RALGPS1: variants seen among roughly 807,000 people sequenced by gnomAD.
RALGPS1 encodes the protein ras-specific guanine nucleotide-releasing factor RalGPS1.
In RALGPS1, 19 loss-of-function variants were observed where a neutral mutation model predicts 78.8. That is an observed-to-expected ratio of 0.24 (90% CI 0.17 to 0.35). The LOEUF (loss-of-function observed/expected upper bound fraction) is 0.35, where lower values mean the gene tolerates loss of function less well. Ranked by LOEUF, RALGPS1 falls within the 10% of genes least tolerant of loss-of-function variation. The pLI, the probability that RALGPS1 is intolerant of heterozygous loss-of-function variation, is 1.00. For missense variants in RALGPS1, 454 were observed against 688.3 expected, an observed-to-expected ratio of 0.66 and a Z score of 3.81; for synonymous variants, 228 against 256.3, an observed-to-expected ratio of 0.89 and a Z score of 1.06.
At chr9:127,126,874 G>A (rs745575089) in intron 8 of RALGPS1, among the ~76,000 whole-genome samples, 9 of 152,078 alleles carry the variant, frequency 5.9e-5, no homozygotes, top group Non-Finnish European at 1.2e-4. Flanking sequence ...TTGATTATGG[G>A]TCATATTGTC....
intron 14 of RALGPS1, among the ~76,000 whole-genome samples, chr9:127,206,164 G>T (rs566830770): frequency 2.4e-4 from 36 of 152,334 alleles, no homozygotes; most frequent in Admixed American, 5.2e-4. Context: ...GCAGGCGCAG[G>T]TGGACACTGC....
chr9:127,005,844 A>AC (rs1414052505), intron 4 of RALGPS1, among the ~76,000 whole-genome samples: 1 of 152,186 alleles, frequency 6.6e-6, no homozygotes, highest in African/African-American at 2.4e-5. Context: ...ATTTTTAGCC[A>AC]CTCTGCCTTC....
chr9:127,129,283 T>C (rs2056841354), intron 8 of RALGPS1, among the ~76,000 whole-genome samples: 1 of 152,176 alleles, frequency 6.6e-6, no homozygotes, highest in Admixed American at 6.5e-5. Context: ...TGTTTCTTCA[T>C]AGCGAAAAAT....
At chr9:126,978,842 G>A (rs1287652126) in intron 4 of RALGPS1, among the ~76,000 whole-genome samples, 3 of 152,120 alleles carry the variant, frequency 2.0e-5, no homozygotes, top group African/African-American at 7.2e-5. Context: ...CACCGTCCCA[G>A]ACTGGGACCA....
intron 5 of RALGPS1, among the ~76,000 whole-genome samples, chr9:127,045,754 CACACACAT>C (rs1211408181): frequency 6.5e-3 from 298 of 45,668 alleles, no homozygotes; most frequent in South Asian, 7.3e-3. Flanking sequence ...CACACACACA[CACACACAT>C]ACACACACAC....
At chr9:126,990,667 C>T (rs1330699651) in intron 4 of RALGPS1, among the ~76,000 whole-genome samples, 1 of 152,160 alleles carries the variant, frequency 6.6e-6, no homozygotes, top group Admixed American at 6.5e-5. Context: ...AGGTAGTGCT[C>T]CTCCTTCTCA....
intron 8 of RALGPS1, among the ~76,000 whole-genome samples, chr9:127,140,741 C>G (rs549568899): frequency 4.1e-4 from 63 of 152,226 alleles, no homozygotes; most frequent in African/African-American, 1.4e-3. Context: ...TTTTAACCTC[C>G]CCCCAAAAAA....
At chr9:126,952,520 C>G (rs2131796583) in intron 1 of RALGPS1, among the ~76,000 whole-genome samples, 1 of 152,212 alleles carries the variant, frequency 6.6e-6, no homozygotes, top group African/African-American at 2.4e-5. Flanking sequence ...CATCCTTACA[C>G]AAGGGGGCCT....
chr9:127,105,323 C>T (rs373384525), intron 8 of RALGPS1, among the ~76,000 whole-genome samples: 5 of 152,216 alleles, frequency 3.3e-5, no homozygotes, highest in African/African-American at 9.6e-5. Flanking sequence ...AAAAGACGGG[C>T]GAGTGCAGGA....
intron 17 of RALGPS1, 86 bp downstream of exon 17, chr9:127,213,135 G>T: frequency 6.4e-7 from 1 of 1,555,980 alleles, no homozygotes; most frequent in Middle Eastern, 1.7e-4. Flanking sequence ...ATTATTAGGA[G>T]CTTTTGAGGC....
chr9:127,218,712 T>C lies in RALGPS1; in HGVS notation c.1645-28T>C, dbSNP rs1393195144. 7 of 1,612,262 alleles carry C rather than the reference T, an allele frequency of 4.3e-6. No homozygotes were observed. The South Asian group carries it at 7.7e-5, about 18-fold the overall frequency. On this transcript the variant is annotated intron_variant, in intron 18 of 18. Coordinates refer to ENST00000259351, the MANE Select transcript of RALGPS1 (RefSeq NM_014636.3). The surrounding 1 kb of genome is among the most constrained non-coding windows in gnomAD (Gnocchi z 4.4). ...TTGTCCTTCTCTGAGGTCGGAACTTTAACAAGAGGCTGAGCTTTCTCTTCT... is the reference window on the plus strand; with the variant it reads ...TTGTCCTTCTCTGAGGTCGGAACTTCAACAAGAGGCTGAGCTTTCTCTTCT...
intron 5 of RALGPS1, 142 bp downstream of exon 5, chr9:127,034,656 T>A: frequency 1.4e-6 from 1 of 707,662 alleles, no homozygotes; most frequent in Non-Finnish European, 2.6e-6. Context: ...CCCACCTTTA[T>A]CCAGTTTTGT....
intron 1 of RALGPS1, among the ~76,000 whole-genome samples, chr9:126,933,047 G>T (rs1035230553): frequency 1.4e-4 from 21 of 152,166 alleles, no homozygotes; most frequent in African/African-American, 4.8e-4. Flanking sequence ...AAGCTGGCGA[G>T]GGGGCAGGGG....
chr9:126,979,233 GTAT>G (rs1023981443), intron 4 of RALGPS1, among the ~76,000 whole-genome samples: 1 of 128,646 alleles, frequency 7.8e-6, no homozygotes. Context: ...TTGTATTATT[GTAT>G]TATTATGTGT....
intron 8 of RALGPS1, among the ~76,000 whole-genome samples, chr9:127,095,151 C>T (rs968188310): frequency 2.6e-5 from 4 of 152,258 alleles, no homozygotes; most frequent in Admixed American, 6.5e-5. Context: ...GTAATCCCAG[C>T]ACTTTGGGAG....
chr9:126,976,313 T>TCTCACACACA (rs112367251), intron 3 of RALGPS1, among the ~76,000 whole-genome samples: 45 of 150,462 alleles, frequency 3.0e-4, no homozygotes, highest in Non-Finnish European at 4.9e-4. Flanking sequence ...ACACTCATTC[T>TCTCACACACA]CACACACACA....
intron 8 of RALGPS1, among the ~76,000 whole-genome samples, chr9:127,135,524 C>T (rs2057331676): frequency 6.6e-6 from 1 of 152,212 alleles, no homozygotes; most frequent in African/African-American, 2.4e-5. Context: ...ATGGAGGAGC[C>T]AGGGCAAAGC....
Position 127,091,769 on chromosome 9 carries a change from G to A in RALGPS1, c.610+22413G>A, listed in dbSNP as rs1236936268. 11 of 1,614,074 alleles carry A rather than the reference G, an allele frequency of 6.8e-6. No homozygotes were observed. The highest frequency in any genetic ancestry group is 9.3e-6 in the Non-Finnish European group (11 of 1,180,046). On this transcript the variant is annotated intron_variant, in intron 8 of 18. Transcript: ENST00000259351. This position sits in a 1 kb window ranked among gnomAD's most constrained non-coding sequence, Gnocchi z 4.3. ...TTGCCATGGTAGCGCCCCAGCCGCAGCTTATAATACTCGCTCTCAGGTTCC... is the reference window on the plus strand; with the variant it reads ...TTGCCATGGTAGCGCCCCAGCCGCAACTTATAATACTCGCTCTCAGGTTCC...
At chr9:127,146,923 G>C (rs2058129329) in intron 8 of RALGPS1, among the ~76,000 whole-genome samples, 1 of 152,202 alleles carries the variant, frequency 6.6e-6, no homozygotes, top group African/African-American at 2.4e-5. Context: ...TTGAATAGTA[G>C]CTCTATTTTA....
Sources: allele counts gnomAD v4.1 joint callset (sites outside exome capture counted in the v4.1 genomes callset), GRCh38; gene constraint gnomAD v4.1.1; non-coding constraint Gnocchi (gnomAD v3.1); transcripts MANE v1.5; gene names NCBI Gene and HGNC (gene_info 2026-07-23, HGNC 2026-07-21).